The following DPH6 variants were observed in gnomAD, a reference collection of about 807,000 sequenced individuals.
DPH6 encodes the protein diphthamine biosynthesis 6, also known as diphthine--ammonia ligase.
Under a neutral mutation model 38.2 loss-of-function variants are expected in DPH6, and 33 were observed. The observed-to-expected ratio is 0.86, with a 90% CI of 0.65 to 1.15. The LOEUF is 1.15. Ranked by LOEUF, DPH6 falls within the 50% of genes most tolerant of loss-of-function variation. The pLI is 0.00. For missense variants in DPH6, 325 were observed against 320.0 expected, an observed-to-expected ratio of 1.02 and a Z score of -0.12; for synonymous variants, 108 against 103.0, an observed-to-expected ratio of 1.05 and a Z score of -0.30.
At chr15:35,451,366 C>T (rs1181116402) in intron 4 of DPH6, among the ~76,000 whole-genome samples, 1 of 152,058 alleles carries the variant, frequency 6.6e-6, no homozygotes. Flanking sequence ...AGTGAAGACA[C>T]ATCTGAATTT....
At chr15:35,539,116 T>C (rs2055215245) in intron 2 of DPH6, among the ~76,000 whole-genome samples, 2 of 151,910 alleles carry the variant, frequency 1.3e-5, no homozygotes, top group African/African-American at 4.8e-5. Context: ...TCAATATGGG[T>C]AAAATATACA....
intron 5 of DPH6, among the ~76,000 whole-genome samples, chr15:35,437,915 A>C (rs1259827368): frequency 6.6e-6 from 1 of 152,166 alleles, no homozygotes; most frequent in East Asian, 1.9e-4. Flanking sequence ...TGATATTTGC[A>C]TGACCTTTAC....
At chr15:35,376,703 T>A (rs757673200) in intron 7 of DPH6, among the ~76,000 whole-genome samples, 1 of 152,144 alleles carries the variant, frequency 6.6e-6, no homozygotes, top group Non-Finnish European at 1.5e-5. Context: ...TTATATCATA[T>A]TTTTACTGTA....
At chr15:35,520,647 T>C (rs1231689097) in intron 3 of DPH6, 6 of 984,926 alleles carry the variant, frequency 6.1e-6, no homozygotes, top group Non-Finnish European at 7.2e-6. Context: ...GGAGTTAAAT[T>C]ATCTCATTTT....
At chr15:35,515,877 A>G (rs938968810) in intron 3 of DPH6, among the ~76,000 whole-genome samples, 6 of 152,092 alleles carry the variant, frequency 3.9e-5, no homozygotes, top group African/African-American at 1.4e-4. Context: ...CAGCCTGGAC[A>G]ACAAAGTGAG....
At chr15:35,162,759 C>T in the DPH6 span, among the ~76,000 whole-genome samples, 1 of 151,846 alleles carries the variant, frequency 6.6e-6, no homozygotes, top group African/African-American at 2.4e-5. Flanking sequence ...AGAAGAGCCT[C>T]CACTCAAGAG....
intron 3 of DPH6, among the ~76,000 whole-genome samples, chr15:35,269,952 A>G (rs2051811775): frequency 6.7e-6 from 1 of 149,982 alleles, no homozygotes; most frequent in African/African-American, 2.4e-5. Flanking sequence ...CACCACGCCC[A>G]GCTAATCTTT....
chr15:35,453,284 CATATATATATACACATATATGT>C (rs375555835), intron 4 of DPH6, among the ~76,000 whole-genome samples: 115 of 152,124 alleles, frequency 7.6e-4, no homozygotes, highest in African/African-American at 2.6e-3. Flanking sequence ...GCCCTTCTTC[CATATATATATACACATATATGT>C]AATGGGCAGC....
chr15:35,236,999 A>G (rs988714754), intron 3 of DPH6, among the ~76,000 whole-genome samples: 1 of 152,164 alleles, frequency 6.6e-6, no homozygotes, highest in Non-Finnish European at 1.5e-5. Flanking sequence ...CCATTACATA[A>G]TCTGGTGAGT....
intron 3 of DPH6, among the ~76,000 whole-genome samples, chr15:35,288,425 T>C (rs1466631770): frequency 6.6e-6 from 1 of 152,226 alleles, no homozygotes; most frequent in Non-Finnish European, 1.5e-5. Flanking sequence ...AGTCATTCAT[T>C]GTATGTATTT....
At chr15:35,215,524 CAGGCGTGCA>C (rs1310549095), downstream of DPH6, among the ~76,000 whole-genome samples, 5 of 152,114 alleles carry the variant, frequency 3.3e-5, no homozygotes, top group Non-Finnish European at 1.5e-5. Flanking sequence ...GCTGGGAACA[CAGGCGTGCA>C]CAACCACACC....
In DPH6 at chr15:35,381,837, TTAAA is replaced by T. The variant is rs1566888162; in HGVS notation, c.643_646del (p.Phe215ArgfsTer4). On this transcript the variant is annotated frameshift_variant, in exon 7 of 9. Coordinates refer to ENST00000256538, the MANE Select transcript of DPH6 (RefSeq NM_080650.4). LOFTEE classifies it high-confidence loss of function. ...GATATCTTACACAATTATTTTCTTC[TTAAA>T]TAGAGGGCAATCCAAAGTGAAAGTT... 4 of 1,612,218 alleles carry T rather than the reference TTAAA, an allele frequency of 2.5e-6. No homozygotes were observed. Among genetic ancestry groups the T allele is most frequent in the Non-Finnish European group, 2.5e-6 (3 of 1,178,530 alleles).
At chr15:35,329,864 A>G (rs1324210834), downstream of DPH6, among the ~76,000 whole-genome samples, 3 of 152,214 alleles carry the variant, frequency 2.0e-5, no homozygotes, top group Admixed American at 6.5e-5. Flanking sequence ...AATACACAGT[A>G]ATGTGTTGAA....
chr15:35,532,477 GA>G (rs1411436723), intron 3 of DPH6, among the ~76,000 whole-genome samples: 2 of 152,174 alleles, frequency 1.3e-5, no homozygotes, highest in Non-Finnish European at 2.9e-5. Context: ...GGTGATGGTT[GA>G]GGGGGATGGA....
chr15:35,414,509 T>C (rs1210692340), intron 5 of DPH6, among the ~76,000 whole-genome samples: 1 of 151,770 alleles, frequency 6.6e-6, no homozygotes, highest in African/African-American at 2.4e-5. Flanking sequence ...ACCTAATGCG[T>C]ACTTTTAATC....
At chr15:35,363,246 A>G (rs1254306861) in intron 3 of DPH6, among the ~76,000 whole-genome samples, 1 of 152,192 alleles carries the variant, frequency 6.6e-6, no homozygotes, top group Non-Finnish European at 1.5e-5. Context: ...AAAATCTTGA[A>G]TTATGACTAC....
chr15:35,462,500 C>T (rs12908637), intron 3 of DPH6, among the ~76,000 whole-genome samples: 1 of 152,258 alleles, frequency 6.6e-6, no homozygotes, highest in Non-Finnish European at 1.5e-5. Flanking sequence ...TCCTCAAACA[C>T]CTATGCTTGT....
intron 5 of DPH6, among the ~76,000 whole-genome samples, chr15:35,421,001 T>C (rs560788192): frequency 6.6e-6 from 1 of 152,294 alleles, no homozygotes; most frequent in Admixed American, 6.5e-5. Context: ...AACAGTTAAA[T>C]ACAGTTAAAC....
intron 3 of DPH6, among the ~76,000 whole-genome samples, chr15:35,497,872 G>GT (rs1595418722): frequency 3.3e-5 from 5 of 152,122 alleles, no homozygotes; most frequent in South Asian, 2.1e-4. Flanking sequence ...TAAAAATAAC[G>GT]TAAGTACAAA....
Sources: gnomAD v4.1 joint callset for allele counts (sites outside exome capture counted in the v4.1 genomes callset) on GRCh38, gnomAD v4.1.1 for gene constraint, MANE v1.5 for transcripts, NCBI Gene and HGNC (gene_info 2026-07-23, HGNC 2026-07-21) for gene names.